The following TMEM68 variants were observed in gnomAD, a reference collection of about 807,000 sequenced individuals.
TMEM68 encodes DGAT1/2-independent enzyme synthesizing storage lipids.
A neutral mutation model predicts 36.9 loss-of-function variants in TMEM68; 25 were observed. The ratio of observed to expected loss-of-function variants is 0.68; its 90% confidence interval spans 0.49 to 0.95. TMEM68 has a LOEUF of 0.95. Among genes scored for constraint, TMEM68 ranks in the 40% least tolerant of loss-of-function variants. TMEM68 has a pLI of 0.00. For synonymous variants in TMEM68, 131 were observed against 124.4 expected, an observed-to-expected ratio of 1.05 and a Z score of -0.35; for missense variants, 333 against 392.0, an observed-to-expected ratio of 0.85 and a Z score of 1.27.
chr8:55,752,719 C>T (rs1810456980), intron 4 of TMEM68, among the ~76,000 whole-genome samples: 1 of 120,524 alleles, frequency 8.3e-6, no homozygotes, highest in Admixed American at 1.1e-4. Context: ...AATATAGGAT[C>T]CCTTTTTTTT....
chr8:55,769,912 C>A (rs1040288255), intron 1 of TMEM68, among the ~76,000 whole-genome samples: 1 of 152,172 alleles, frequency 6.6e-6, no homozygotes, highest in Non-Finnish European at 1.5e-5. Context: ...GGATTGCAGG[C>A]GTGAGCCACC....
intron 3 of TMEM68, among the ~76,000 whole-genome samples, chr8:55,757,662 T>C (rs1810647928): frequency 6.6e-6 from 1 of 152,078 alleles, no homozygotes; most frequent in Non-Finnish European, 1.5e-5. Context: ...TCCACTCCCC[T>C]GCCCCACACA....
intron 1 of TMEM68, among the ~76,000 whole-genome samples, chr8:55,769,018 T>TTAAAAAAAA (rs1554556017): frequency 2.1e-4 from 17 of 82,090 alleles, no homozygotes; most frequent in Middle Eastern, 0.01. Flanking sequence ...ACTCTGTCTT[T>TTAAAAAAAA]AAAAAAAAAA....
In TMEM68 at chr8:55,742,279, C is replaced by T. The variant is rs371556801; in HGVS notation, c.888+1202G>A. Among the ~76,000 whole-genome samples the T allele has an allele frequency of 1.2e-3, 190 of 152,120 alleles. 1 individual carries two copies. Among genetic ancestry groups the T allele is most frequent in the African/African-American group, 4.4e-3 (182 of 41,480 alleles). ...AAGTTGGTGTTCAACAGGTATAGTC[C>T]GTTTTGCAAGATGAAAAAATTCTAG... On this transcript the variant is annotated intron_variant, in intron 7 of 7. Transcript: ENST00000434581.
chr8:55,764,897 A>T (rs1332968402), intron 1 of TMEM68, among the ~76,000 whole-genome samples: 1 of 152,072 alleles, frequency 6.6e-6, no homozygotes, highest in Non-Finnish European at 1.5e-5. Context: ...ACATGGTGAA[A>T]CTCCATCTCT....
At chr8:55,759,618 T>A (rs1810721813) in intron 3 of TMEM68, among the ~76,000 whole-genome samples, 1 of 152,008 alleles carries the variant, frequency 6.6e-6, no homozygotes, top group Non-Finnish European at 1.5e-5. Flanking sequence ...TACATATTTT[T>A]AAAACAGGAA....
Position 55,756,382 on chromosome 8 carries a change from G to C in TMEM68, c.355C>G (p.Pro119Ala), listed in dbSNP as rs1421189507. 6.3e-7 allele frequency: 1 copy of C among 1,582,954 alleles called. No homozygotes were observed. The highest frequency in any genetic ancestry group is 1.4e-5 in the African/African-American group (1 of 73,046). Residue 119 changes from proline to alanine, a missense_variant, in exon 4 of 8, where the codon CCA becomes GCA. Physicochemically the swap from Pro to Ala is conservative, Grantham distance 27. Coordinates refer to ENST00000434581, the MANE Select transcript of TMEM68 (RefSeq NM_001286657.2). ...ATTATAAGTGCTGGTCCATCTTCTG[G>C]TATTTTTTCCATTCCATGAACTTCA... ...GYEVHGMEKI[P>A]EDGPALIIFY...
At chr8:55,743,993 T>G (rs1288989083) in intron 6 of TMEM68, among the ~76,000 whole-genome samples, 1 of 151,856 alleles carries the variant, frequency 6.6e-6, no homozygotes, top group Non-Finnish European at 1.5e-5. Context: ...TACAGTAATT[T>G]TAAAAGGCAA....
Position 55,739,768 on chromosome 8 carries a change from C to T in TMEM68, c.*364G>A. The T allele has an allele frequency of 5.1e-6, 1 of 197,626 alleles. No individual in the cohort carries two copies. Among genetic ancestry groups the T allele is most frequent in the Non-Finnish European group, 1.0e-5 (1 of 97,764 alleles). The allele number at this position is 197,626 out of a possible 1,614,324, so 12.2% of individuals were successfully genotyped here. On this transcript the variant is annotated 3_prime_UTR_variant, in exon 8 of 8. Transcript: ENST00000434581. ...AACTATACTAACCCCTAGCTTATACCATCTTTCAAAATCAGCTCAGGGCGA... is the reference window on the plus strand; with the variant it reads ...AACTATACTAACCCCTAGCTTATACTATCTTTCAAAATCAGCTCAGGGCGA...
chr8:55,751,144 T>C lies in TMEM68; in HGVS notation c.507A>G (p.Leu169=). 6.2e-6 allele frequency: 10 copies of C among 1,604,220 alleles called. No individual in the cohort carries two copies. The highest frequency in any genetic ancestry group is 1.8e-5 in the Admixed American group (1 of 56,212). Residue 169 remains leucine (L), a synonymous_variant, in exon 5 of 8, where the codon TTA becomes TTG. Transcript: ENST00000434581. ...FVFKIPGFSL[L]LDVFCALHGP... is the part of the protein sequence containing the mutation. Reference sequence around the variant, plus strand: ...CATGTAGAGCACAAAACACATCCAGTAATAAACTAAACCCTGTAAGAAACA... The same window carrying C: ...CATGTAGAGCACAAAACACATCCAGCAATAAACTAAACCCTGTAAGAAACA...
chr8:55,745,378 G>A, intron 5 of TMEM68: 1 of 228,590 alleles, frequency 4.4e-6, no homozygotes, highest in Admixed American at 5.7e-5. Context: ...AAGTGATTAT[G>A]CAAACTTTTG....
chr8:55,747,558 G>A (rs1179796703), intron 5 of TMEM68: 1 of 152,050 alleles, frequency 6.6e-6, no homozygotes, highest in Non-Finnish European at 1.5e-5. Context: ...TCTTGAACTG[G>A]TTTCAAGGGA....
Position 55,773,330 on chromosome 8 carries a change from C to T in TMEM68, c.-176G>A. 1 of 299,528 alleles carries T rather than the reference C, an allele frequency of 3.3e-6. No homozygotes were observed. The highest frequency in any genetic ancestry group is 5.3e-5 in the Admixed American group (1 of 18,722). 18.6% of individuals were successfully genotyped at this position (299,528 alleles called of 1,614,324 possible). On this transcript the variant is annotated 5_prime_UTR_variant, in exon 1 of 8. It adds an upstream start codon to the 5' untranslated region. Transcript: ENST00000434581. Reference sequence around the variant, plus strand: ...GGCCAAGGGGGCGGACAGATTTGCACGGCGGATTCCTCCGAAGCAACCCGT... The same window carrying T: ...GGCCAAGGGGGCGGACAGATTTGCATGGCGGATTCCTCCGAAGCAACCCGT...
Position 55,739,980 on chromosome 8 carries a change from T to A in TMEM68, c.*152A>T. The A allele has an allele frequency of 1.7e-6, 1 of 582,058 alleles. No individual in the cohort carries two copies. Among genetic ancestry groups the A allele is most frequent in the South Asian group, 2.8e-5 (1 of 35,810 alleles). 36.1% of individuals were successfully genotyped at this position (582,058 alleles called of 1,614,324 possible). ...ACAATTGCAAAAACAAAATTGACTA[T>A]TTTAAAGAAACGAATTCTGTGAAAG... On this transcript the variant is annotated 3_prime_UTR_variant, in exon 8 of 8. Transcript: ENST00000434581.
At chr8:55,765,425 G>A (rs1172559728) in intron 1 of TMEM68, among the ~76,000 whole-genome samples, 1 of 152,120 alleles carries the variant, frequency 6.6e-6, no homozygotes, top group Non-Finnish European at 1.5e-5. Flanking sequence ...GGTAACCCCT[G>A]TGCCTCCGTT....
chr8:55,754,686 ATT>A (rs1810530023), intron 4 of TMEM68, among the ~76,000 whole-genome samples: 1 of 130,160 alleles, frequency 7.7e-6, no homozygotes, highest in Non-Finnish European at 1.5e-5. Flanking sequence ...TGTAATATAT[ATT>A]ATATATGAAA....
intron 3 of TMEM68, among the ~76,000 whole-genome samples, chr8:55,758,617 G>A (rs1810680367): frequency 6.6e-6 from 1 of 152,178 alleles, no homozygotes; most frequent in Non-Finnish European, 1.5e-5. Flanking sequence ...ATCAGCCTGG[G>A]CAACATGGCA....
intron 3 of TMEM68, chr8:55,761,115 T>C (rs1810777947): frequency 1.3e-5 from 2 of 152,332 alleles, no homozygotes; most frequent in African/African-American, 2.4e-5. Flanking sequence ...TAGTTTACTA[T>C]AGTGCCAGTA....
chr8:55,767,873 G>T (rs996899868), intron 1 of TMEM68, among the ~76,000 whole-genome samples: 9 of 151,958 alleles, frequency 5.9e-5, no homozygotes, highest in Non-Finnish European at 1.3e-4. Context: ...GGAGGCGGAG[G>T]TGCAGTGAGC....
Sources: allele counts gnomAD v4.1 joint callset (sites outside exome capture counted in the v4.1 genomes callset), GRCh38; gene constraint gnomAD v4.1.1; transcripts MANE v1.5; gene names NCBI Gene and HGNC (gene_info 2026-07-23, HGNC 2026-07-21).